The following ALK variants were observed in gnomAD, a reference collection of about 807,000 sequenced individuals.
ALK encodes ALK tyrosine kinase receptor.
Under a neutral mutation model 163.1 loss-of-function variants are expected in ALK, and 74 were observed. That is an observed-to-expected ratio of 0.45 (90% confidence interval 0.38 to 0.55). ALK has a LOEUF of 0.55. Ranked by LOEUF, ALK falls within the 20% of genes least tolerant of loss-of-function variation. The pLI, the probability that ALK is intolerant of heterozygous loss-of-function variation, is 0.00. For missense variants in ALK, 2,063 were observed against 2,105.3 expected, an observed-to-expected ratio of 0.98 and a Z score of 0.39; for synonymous variants, 960 against 843.2, an observed-to-expected ratio of 1.14 and a Z score of -2.40.
intron 9 of ALK, among the ~76,000 whole-genome samples, chr2:29,277,059 T>A (rs1224151731): frequency 6.6e-6 from 1 of 152,154 alleles, no homozygotes; most frequent in African/African-American, 2.4e-5. Context: ...CACAGGGCAT[T>A]GGCCACATAG....
intron 11 of ALK, among the ~76,000 whole-genome samples, chr2:29,265,209 G>A (rs1378533692): frequency 6.6e-6 from 1 of 152,074 alleles, no homozygotes; most frequent in East Asian, 1.9e-4. Context: ...GTAGAGACAG[G>A]GTTTCACCAT....
chr2:29,635,629 T>C (rs1676497612), intron 3 of ALK, among the ~76,000 whole-genome samples: 1 of 152,060 alleles, frequency 6.6e-6, no homozygotes, highest in South Asian at 2.1e-4. Flanking sequence ...TTTTATTTTA[T>C]TTTTTGAGAC....
At chr2:29,646,248 CCT>C (rs781374606) in intron 3 of ALK, among the ~76,000 whole-genome samples, 2 of 152,130 alleles carry the variant, frequency 1.3e-5, no homozygotes, top group Non-Finnish European at 2.9e-5. Flanking sequence ...ACTCTTGTTT[CCT>C]CTCTTTCTCT....
chr2:29,899,044 A>T (rs1369221863), intron 1 of ALK, among the ~76,000 whole-genome samples: 1 of 152,116 alleles, frequency 6.6e-6, no homozygotes, highest in Non-Finnish European at 1.5e-5. Flanking sequence ...AGTTCAAATC[A>T]ATGCATTTCA....
intron 1 of ALK, among the ~76,000 whole-genome samples, chr2:29,860,009 T>C (rs538383030): frequency 2.6e-5 from 4 of 151,794 alleles, no homozygotes; most frequent in South Asian, 4.2e-4. Context: ...GGGAGGAAGG[T>C]TGAAACAAGA....
Position 29,437,868 on chromosome 2 carries a change from G to A in ALK, c.1155-54009C>T, listed in dbSNP as rs139974209. Among the ~76,000 whole-genome samples the A allele has an allele frequency of 1.3e-3, 192 of 152,234 alleles. 2 individuals are homozygous for A. Among genetic ancestry groups the A allele is most frequent in the African/African-American group, 4.4e-3 (182 of 41,538 alleles). ...CTCTGGCTGAAGGGCATAGACAAGC[G>A]GCAAAACTAACTCAGATTCAAACAG... On this transcript the variant is annotated intron_variant, in intron 4 of 28. Coordinates refer to ENST00000389048, the MANE Select transcript of ALK (RefSeq NM_004304.5).
intron 1 of ALK, among the ~76,000 whole-genome samples, chr2:29,730,924 T>C (rs1365857518): frequency 6.6e-6 from 1 of 152,128 alleles, no homozygotes; most frequent in Non-Finnish European, 1.5e-5. Flanking sequence ...AAGAGCAAGA[T>C]GCACTGTCAC....
At position 29,569,644 on chromosome 2, in the gene ALK, C is replaced by G. The variant is rs141151661; in HGVS notation, c.953-37528G>C. ...CAGCACATGAAAACTGATAGGGTTT[C>G]TTGGCCATCACTCAAACAATCAAAG... On this transcript the variant is annotated intron_variant, in intron 3 of 28. Transcript: ENST00000389048. Among the ~76,000 whole-genome samples the G allele has an allele frequency of 7.9e-5, 12 of 152,222 alleles. No homozygotes were observed. The East Asian group carries it at 2.3e-3, about 29-fold the overall frequency.
At chr2:29,430,366 C>A (rs536049939) in intron 4 of ALK, among the ~76,000 whole-genome samples, 2 of 152,076 alleles carry the variant, frequency 1.3e-5, no homozygotes, top group Admixed American at 1.3e-4. Flanking sequence ...AGACAACCAA[C>A]TAAAAATATA....
chr2:29,685,881 C>A (rs1678225165), intron 3 of ALK, among the ~76,000 whole-genome samples: 1 of 152,182 alleles, frequency 6.6e-6, no homozygotes, highest in South Asian at 2.1e-4. Flanking sequence ...GAGGCTACCT[C>A]CATTCTTCCT....
chr2:29,796,699 C>G (rs1006941115), intron 1 of ALK, among the ~76,000 whole-genome samples: 1 of 152,070 alleles, frequency 6.6e-6, no homozygotes, highest in African/African-American at 2.4e-5. Context: ...TCTAAGCAAC[C>G]TAGCTATTCA....
At chr2:29,593,000 G>T (rs530762832) in intron 3 of ALK, among the ~76,000 whole-genome samples, 2 of 152,170 alleles carry the variant, frequency 1.3e-5, no homozygotes, top group Non-Finnish European at 2.9e-5. Context: ...CCCAGTTTGC[G>T]GTCATTTGTT....
intron 14 of ALK, 143 bp downstream of exon 14, chr2:29,233,422 A>C (rs1043666301): frequency 8.1e-7 from 1 of 1,232,364 alleles, no homozygotes; most frequent in Non-Finnish European, 1.2e-6. Context: ...CTAGGATTAC[A>C]GGAATGAGCC....
chr2:29,196,777 C>CAGTAT lies in ALK; in HGVS notation c.4152_4156dup (p.Cys1386TyrfsTer9). The CAGTAT allele has an allele frequency of 6.2e-7, 1 of 1,612,524 alleles. No individual in the cohort carries two copies. Among genetic ancestry groups the CAGTAT allele is most frequent in the Non-Finnish European group, 8.5e-7 (1 of 1,178,502 alleles). On this transcript the variant is annotated frameshift_variant, in exon 28 of 29. Coordinates refer to ENST00000389048, the MANE Select transcript of ALK (RefSeq NM_004304.5). LOFTEE classifies it low-confidence loss of function (END_TRUNC). Reference sequence around the variant, plus strand: ...AGGGAGAAAATGTTTTACCTGGGTGCAGTATTCAATCCTCTCCAAAATGAT... The same window carrying CAGTAT: ...AGGGAGAAAATGTTTTACCTGGGTGCAGTATAGTATTCAATCCTCTCCAAAATGAT...
At position 29,465,768 on chromosome 2, in the gene ALK, G is replaced by C. The variant is rs137931135; in HGVS notation, c.1154+66147C>G. ...GCAAATGATATCAGATGAAAAACTG[G>C]ATCTACCTAAAGAAATGAAGAACGT... On this transcript the variant is annotated intron_variant, in intron 4 of 28. Transcript: ENST00000389048. Among the ~76,000 whole-genome samples, 680 of 152,116 alleles carry C rather than the reference G, an allele frequency of 4.5e-3. 3 individuals carry two copies. The highest frequency in any genetic ancestry group is 0.015 in the African/African-American group (632 of 41,508).
At chr2:29,905,778 G>C (rs1295483541) in intron 1 of ALK, among the ~76,000 whole-genome samples, 1 of 152,178 alleles carries the variant, frequency 6.6e-6, no homozygotes, top group Non-Finnish European at 1.5e-5. Flanking sequence ...AAGGGGGCTG[G>C]AGCATGAAGG....
intron 12 of ALK, 121 bp from the exon 13 acceptor site, chr2:29,239,951 A>G: frequency 8.5e-7 from 1 of 1,182,078 alleles, no homozygotes; most frequent in East Asian, 2.6e-5. Context: ...GTTCTCCCCC[A>G]TATCAGTCCC....
At chr2:29,311,000 C>T (rs998818348) in intron 8 of ALK, among the ~76,000 whole-genome samples, 2 of 152,206 alleles carry the variant, frequency 1.3e-5, no homozygotes, top group African/African-American at 2.4e-5. Context: ...GAAAATGCCT[C>T]GAGAACCACT....
chr2:29,719,369 G>T (rs1393018529), intron 1 of ALK, among the ~76,000 whole-genome samples: 2 of 152,170 alleles, frequency 1.3e-5, no homozygotes, highest in Admixed American at 1.3e-4. Flanking sequence ...GCACTGAAAG[G>T]GGTGAGAGTC....
Sources: gnomAD v4.1 joint callset for allele counts (sites outside exome capture counted in the v4.1 genomes callset) on GRCh38, gnomAD v4.1.1 for gene constraint, MANE v1.5 for transcripts, NCBI Gene and HGNC (gene_info 2026-07-23, HGNC 2026-07-21) for gene names.